ATP8A2: variants seen among roughly 807,000 people sequenced by gnomAD.
The protein encoded by ATP8A2 is phospholipid-transporting ATPase IB.
A neutral mutation model predicts 165.6 loss-of-function variants in ATP8A2; 100 were observed. The ratio of observed to expected loss-of-function variants is 0.60; its 90% CI spans 0.51 to 0.71. The LOEUF (loss-of-function observed/expected upper bound fraction) is 0.71. ATP8A2 is among the 30% of genes least tolerant of loss of function. The pLI is 0.00. For synonymous variants in ATP8A2, 543 were observed against 548.8 expected, an observed-to-expected ratio of 0.99 and a Z score of 0.15; for missense variants, 1,227 against 1,479.5, an observed-to-expected ratio of 0.83 and a Z score of 2.80.
chr13:25,798,370 G>T (rs2138440538), intron 27 of ATP8A2, among the ~76,000 whole-genome samples: 1 of 152,254 alleles, frequency 6.6e-6, no homozygotes, highest in East Asian at 1.9e-4. Flanking sequence ...TTTTCTGTTT[G>T]TTTAGGGGAG....
At chr13:25,615,785 A>G (rs1173427313) in intron 24 of ATP8A2, among the ~76,000 whole-genome samples, 1 of 152,110 alleles carries the variant, frequency 6.6e-6, no homozygotes, top group Non-Finnish European at 1.5e-5. Context: ...GCTCCAGGTA[A>G]GGTCAAATCC....
chr13:25,782,110 A>G (rs1019100773), intron 27 of ATP8A2, among the ~76,000 whole-genome samples: 8 of 152,380 alleles, frequency 5.3e-5, no homozygotes, highest in South Asian at 2.1e-4. Context: ...TGACTTAACT[A>G]TACCTCAAAA....
At chr13:25,948,981 G>A (rs1489607232) in intron 33 of ATP8A2, among the ~76,000 whole-genome samples, 1 of 152,224 alleles carries the variant, frequency 6.6e-6, no homozygotes, top group Admixed American at 6.5e-5. Flanking sequence ...ACACTTGCTG[G>A]TCACTGTCTT....
intron 33 of ATP8A2, among the ~76,000 whole-genome samples, chr13:25,862,707 G>A (rs770692101): frequency 6.6e-6 from 1 of 152,198 alleles, no homozygotes; most frequent in Non-Finnish European, 1.5e-5. Context: ...ATTACACACA[G>A]TACCAATATG....
At chr13:25,472,152 G>A (rs2035861941) in intron 2 of ATP8A2, among the ~76,000 whole-genome samples, 1 of 152,186 alleles carries the variant, frequency 6.6e-6, no homozygotes, top group African/African-American at 2.4e-5. Flanking sequence ...CCAGCACTTT[G>A]GGAGGCCAAG....
At chr13:25,459,061 C>G (rs2137472803) in intron 1 of ATP8A2, among the ~76,000 whole-genome samples, 1 of 152,282 alleles carries the variant, frequency 6.6e-6, no homozygotes, top group East Asian at 1.9e-4. Flanking sequence ...TTCTGCAGAC[C>G]AGAGGAGGCA....
chr13:25,690,998 G>T lies in ATP8A2; in HGVS notation c.2212-8175G>T, dbSNP rs189891604. On this transcript the variant is annotated intron_variant, in intron 24 of 36. Transcript: ENST00000381655. The stretch of plus-strand genomic sequence containing the variant: ...ACAAATTGTGCTGTGTTCATACATT[G>T]GAATACTGCTTGGCAACAGAAATAA... Among the ~76,000 whole-genome samples the T allele has an allele frequency of 9.2e-5, 14 of 152,278 alleles. No individual in the cohort carries two copies. In the East Asian group the frequency reaches 1.3e-3, roughly 15 times the overall value.
intron 2 of ATP8A2, among the ~76,000 whole-genome samples, chr13:25,483,922 G>A (rs548902284): frequency 3.3e-5 from 5 of 152,264 alleles, no homozygotes; most frequent in South Asian, 4.1e-4. Context: ...GCTGTAACTC[G>A]GGGAAAAGGG....
rs146757174 is a variant in ATP8A2 at position 25,409,171 on chromosome 13, C to T, written c.76+36883C>T. On this transcript the variant is annotated intron_variant, in intron 1 of 36. Coordinates refer to ENST00000381655, the MANE Select transcript of ATP8A2 (RefSeq NM_016529.6). The stretch of plus-strand genomic sequence containing the variant: ...GGCCTGCTTTCATCTCTTCTCAGCC[C>T]TGGTACATGCTGTCTACTGAAGTAT... 8.2e-3 allele frequency among the ~76,000 whole-genome samples: 1,242 copies of T among 152,262 alleles called. 23 individuals are homozygous for T. Among genetic ancestry groups the T allele is most frequent in the African/African-American group, 0.029 (1,186 of 41,544 alleles).
rs372647773 is a variant in ATP8A2 at position 25,543,348 on chromosome 13, T to C, written c.837T>C (p.Thr279=). 17 of 1,613,508 alleles carry C rather than the reference T, an allele frequency of 1.1e-5. No homozygotes were observed. Among genetic ancestry groups the C allele is most frequent in the Non-Finnish European group, 1.4e-5 (16 of 1,179,608 alleles). ...TAAGAGGTACACAGCTTAGAAATACTCAGTGGGTCTTTGGCATAGTTGTTT... is the reference window on the plus strand; with the variant it reads ...TAAGAGGTACACAGCTTAGAAATACCCAGTGGGTCTTTGGCATAGTTGTTT... ...ILLRGTQLRN[T]QWVFGIVVYT... Residue 279 remains threonine (T), a synonymous_variant, in exon 10 of 37, where the codon ACT becomes ACC. Coordinates refer to ENST00000381655, the MANE Select transcript of ATP8A2 (RefSeq NM_016529.6).
intron 25 of ATP8A2, among the ~76,000 whole-genome samples, chr13:25,708,990 G>T (rs1435952637): frequency 6.6e-6 from 1 of 152,156 alleles, no homozygotes; most frequent in African/African-American, 2.4e-5. Flanking sequence ...GTCTGAGAGG[G>T]TCTGTTGAAT....
chr13:25,751,599 C>T (rs570077103), intron 25 of ATP8A2, among the ~76,000 whole-genome samples: 13 of 152,110 alleles, frequency 8.5e-5, no homozygotes, highest in African/African-American at 3.1e-4. Context: ...CCATGACTGG[C>T]TAATTTTAAA....
chr13:25,512,550 G>T (rs2037271367), intron 2 of ATP8A2, among the ~76,000 whole-genome samples: 1 of 150,890 alleles, frequency 6.6e-6, no homozygotes, highest in Non-Finnish European at 1.5e-5. Context: ...CGGCTGGCCG[G>T]GCAGAGGGGC....
At chr13:25,545,565 G>C (rs1307795352) in intron 10 of ATP8A2, among the ~76,000 whole-genome samples, 3 of 152,092 alleles carry the variant, frequency 2.0e-5, no homozygotes, top group African/African-American at 7.2e-5. Context: ...CTCCCATAGT[G>C]CAGTGTCAGT....
intron 35 of ATP8A2, among the ~76,000 whole-genome samples, chr13:25,992,118 T>A (rs1191576411): frequency 3.9e-5 from 6 of 152,124 alleles, no homozygotes; most frequent in Admixed American, 3.9e-4. Flanking sequence ...TTAAACAAAC[T>A]GCCAAGCTGT....
Position 25,561,074 on chromosome 13 carries a change from G to GA in ATP8A2, c.1397+1309_1397+1310insA, listed in dbSNP as rs575564570. ...GCTAATTTTTTGTATTTTTAGTAGA[G>GA]CGGGGTTTCACCGTGTTAGCCAGGA... On this transcript the variant is annotated intron_variant, in intron 15 of 36. Coordinates refer to ENST00000381655, the MANE Select transcript of ATP8A2 (RefSeq NM_016529.6). 7.0e-4 allele frequency among the ~76,000 whole-genome samples: 107 copies of GA among 151,952 alleles called. 1 individual carries two copies. In the South Asian group the frequency reaches 0.019, roughly 27 times the overall value.
intron 2 of ATP8A2, among the ~76,000 whole-genome samples, chr13:25,478,429 A>C (rs571414291): frequency 6.6e-6 from 1 of 152,276 alleles, no homozygotes; most frequent in East Asian, 1.9e-4. Context: ...CAAGAGGGAC[A>C]ATGCTTAGAC....
At chr13:25,458,302 A>G (rs1478832647) in intron 1 of ATP8A2, among the ~76,000 whole-genome samples, 1 of 152,214 alleles carries the variant, frequency 6.6e-6, no homozygotes, top group Non-Finnish European at 1.5e-5. Context: ...TTATATAGTT[A>G]TATTATAAAT....
intron 27 of ATP8A2, among the ~76,000 whole-genome samples, chr13:25,815,956 A>G (rs776850562): frequency 1.5e-4 from 23 of 152,238 alleles, no homozygotes; most frequent in Non-Finnish European, 2.8e-4. Context: ...GCATGATTTC[A>G]TAGAGGCAAA....
Sources: allele counts gnomAD v4.1 joint callset (sites outside exome capture counted in the v4.1 genomes callset), GRCh38; gene constraint gnomAD v4.1.1; transcripts MANE v1.5; gene names NCBI Gene and HGNC (gene_info 2026-07-23, HGNC 2026-07-21).